The following DPYD variants were observed in gnomAD, a reference collection of about 807,000 sequenced individuals.
DPYD encodes dihydropyrimidine dehydrogenase, also known as dihydropyrimidine dehydrogenase [NADP(+)].
In DPYD, 109 loss-of-function variants were observed where a neutral mutation model predicts 116.2. The observed-to-expected ratio is 0.94, with a 90% confidence interval of 0.80 to 1.10. DPYD has a LOEUF of 1.10. DPYD is among the 50% of genes least tolerant of loss of function. The pLI, the probability that DPYD is intolerant of heterozygous loss-of-function variation, is 0.00. For synonymous variants in DPYD, 440 were observed against 432.0 expected (o/e 1.02, Z -0.23); for missense variants, 1,302 against 1,254.5 (o/e 1.04, Z -0.57).
intron 20 of DPYD, among the ~76,000 whole-genome samples, chr1:97,144,801 G>A (rs1654491347): frequency 6.6e-6 from 1 of 152,212 alleles, no homozygotes; most frequent in East Asian, 1.9e-4. Flanking sequence ...CAGCAAGGAA[G>A]AGTGATAACA....
At chr1:97,556,317 T>C (rs1651701177) in intron 11 of DPYD, among the ~76,000 whole-genome samples, 1 of 146,214 alleles carries the variant, frequency 6.8e-6, no homozygotes, top group African/African-American at 2.6e-5. Flanking sequence ...GCTGCTTTTT[T>C]CTATTCCCTT....
chr1:97,396,780 C>T lies in DPYD; in HGVS notation c.1906-14319G>A, dbSNP rs1322703421. ...CATTCTTTTCCTCATATTGGTCCTT[C>T]TTGTAGTGCCATCCTAGACGTCTGA... On this transcript the variant is annotated intron_variant, in intron 14 of 22. Coordinates refer to ENST00000370192, the MANE Select transcript of DPYD (RefSeq NM_000110.4). 2.6e-5 allele frequency among the ~76,000 whole-genome samples: 4 copies of T among 152,002 alleles called. No individual in the cohort carries two copies. The South Asian group carries it at 8.3e-4, about 31-fold the overall frequency.
At chr1:97,331,359 T>C (rs754864333) in intron 16 of DPYD, among the ~76,000 whole-genome samples, 43 of 152,080 alleles carry the variant, frequency 2.8e-4, no homozygotes, top group Non-Finnish European at 5.7e-4. Context: ...GTGACTGTAG[T>C]CCTAGCTACT....
intron 20 of DPYD, among the ~76,000 whole-genome samples, chr1:97,122,211 T>C (rs944798062): frequency 9.2e-5 from 14 of 152,132 alleles, no homozygotes; most frequent in African/African-American, 3.1e-4. Flanking sequence ...TCTAGAAAGA[T>C]AGGTGACTAT....
At chr1:97,813,288 T>C (rs1430735161) in intron 3 of DPYD, among the ~76,000 whole-genome samples, 1 of 152,124 alleles carries the variant, frequency 6.6e-6, no homozygotes, top group Non-Finnish European at 1.5e-5. Context: ...GCTGTTTAAA[T>C]TTCAACCCAA....
At chr1:97,314,340 T>C (rs1337549573) in intron 16 of DPYD, among the ~76,000 whole-genome samples, 1 of 151,962 alleles carries the variant, frequency 6.6e-6, no homozygotes, top group Non-Finnish European at 1.5e-5. Flanking sequence ...AGGGGAACTA[T>C]ATTCCTGTTT....
At chr1:97,224,746 T>A (rs1471822373) in intron 19 of DPYD, among the ~76,000 whole-genome samples, 1 of 151,656 alleles carries the variant, frequency 6.6e-6, no homozygotes, top group African/African-American at 2.4e-5. Flanking sequence ...ATTCCACATA[T>A]AAGAGAGATC....
At chr1:97,246,512 G>A (rs920872679) in intron 18 of DPYD, among the ~76,000 whole-genome samples, 4 of 152,124 alleles carry the variant, frequency 2.6e-5, no homozygotes, top group African/African-American at 9.7e-5. Flanking sequence ...CTAAAAATTA[G>A]GATATTTCAA....
chr1:97,512,075 A>G (rs2101964770), intron 13 of DPYD, among the ~76,000 whole-genome samples: 1 of 152,024 alleles, frequency 6.6e-6, no homozygotes, highest in East Asian at 1.9e-4. Flanking sequence ...ATATACTGGG[A>G]AAAAAATAAA....
intron 8 of DPYD, among the ~76,000 whole-genome samples, chr1:97,641,052 A>C (rs1265053973): frequency 6.6e-6 from 1 of 152,194 alleles, no homozygotes; most frequent in East Asian, 1.9e-4. Flanking sequence ...TAGATGAAGG[A>C]TATGACTACC....
chr1:97,229,546 G>GTATATATATATATA (rs55638142), intron 19 of DPYD, among the ~76,000 whole-genome samples: 2 of 58,164 alleles, frequency 3.4e-5, no homozygotes, highest in Non-Finnish European at 7.3e-5. Flanking sequence ...ACCATCCTAA[G>GTATATATATATATA]TATATATATA....
chr1:97,540,841 T>TAC (rs374076393), intron 12 of DPYD, among the ~76,000 whole-genome samples: 134 of 151,472 alleles, frequency 8.8e-4, no homozygotes, highest in Middle Eastern at 3.5e-3. Flanking sequence ...CTCATTAGCA[T>TAC]ACACACACAC....
chr1:97,246,092 G>T (rs567641037), intron 18 of DPYD, among the ~76,000 whole-genome samples: 1 of 152,190 alleles, frequency 6.6e-6, no homozygotes, highest in East Asian at 1.9e-4. Flanking sequence ...TGAACCCTCT[G>T]AATCAATGCT....
intron 18 of DPYD, among the ~76,000 whole-genome samples, chr1:97,267,877 C>T (rs1416063032): frequency 6.6e-6 from 1 of 152,090 alleles, no homozygotes; most frequent in Non-Finnish European, 1.5e-5. Context: ...CATTCCAGCA[C>T]GAACTCCTAA....
chr1:97,604,543 C>T (rs532264426), intron 8 of DPYD, among the ~76,000 whole-genome samples: 4 of 151,324 alleles, frequency 2.6e-5, no homozygotes, highest in Non-Finnish European at 4.4e-5. Flanking sequence ...TAAGTCATTA[C>T]TGTAATTTCA....
At chr1:97,138,628 C>CA (rs76208521) in intron 20 of DPYD, among the ~76,000 whole-genome samples, 45,541 of 151,896 alleles carry the variant, frequency 0.3, 7,200 homozygotes, top group Middle Eastern at 0.41. Context: ...ATTTTTCTCG[C>CA]AAAAAATGTT....
intron 3 of DPYD, among the ~76,000 whole-genome samples, chr1:97,799,228 T>C (rs1170636785): frequency 6.6e-6 from 1 of 151,872 alleles, no homozygotes; most frequent in Non-Finnish European, 1.5e-5. Flanking sequence ...CCCTATAGAA[T>C]GCAAAATGGA....
chr1:97,322,525 A>G (rs1225947832), intron 16 of DPYD, among the ~76,000 whole-genome samples: 1 of 152,006 alleles, frequency 6.6e-6, no homozygotes, highest in African/African-American at 2.4e-5. Flanking sequence ...ACCTTTTGTA[A>G]GTGTAGTATT....
At chr1:97,725,400 A>G (rs554596074) in intron 4 of DPYD, among the ~76,000 whole-genome samples, 7 of 151,676 alleles carry the variant, frequency 4.6e-5, no homozygotes, top group Non-Finnish European at 7.4e-5. Flanking sequence ...TAAAATTTCA[A>G]TACAATCTCT....
Sources: gnomAD v4.1 joint callset for allele counts (sites outside exome capture counted in the v4.1 genomes callset) on GRCh38, gnomAD v4.1.1 for gene constraint, MANE v1.5 for transcripts, NCBI Gene and HGNC (gene_info 2026-07-23, HGNC 2026-07-21) for gene names.